KLHL14: variants seen among roughly 807,000 people sequenced by gnomAD.
The protein encoded by KLHL14 is kelch-like protein 14.
In KLHL14, 22 loss-of-function variants were observed where a neutral mutation model predicts 64.3. The observed-to-expected ratio is 0.34, with a 90% CI of 0.24 to 0.49. The LOEUF (loss-of-function observed/expected upper bound fraction) is 0.49. Among genes scored for constraint, KLHL14 ranks in the 20% least tolerant of loss-of-function variants. KLHL14 has a pLI of 0.99. For missense variants in KLHL14, 661 were observed against 789.0 expected, an observed-to-expected ratio of 0.84 and a Z score of 1.94; for synonymous variants, 322 against 333.4, an observed-to-expected ratio of 0.97 and a Z score of 0.37.
chr18:32,769,544 C>T, intron 2 of KLHL14, 101 bp downstream of exon 2: 3 of 1,052,518 alleles, frequency 2.9e-6, no homozygotes, highest in Non-Finnish European at 3.9e-6. Context: ...AGCCACCCGC[C>T]CAGGCCACCC....
At chr18:32,757,431 T>C (rs1353181458) in intron 2 of KLHL14, among the ~76,000 whole-genome samples, 1 of 152,188 alleles carries the variant, frequency 6.6e-6, no homozygotes, top group East Asian at 1.9e-4. Context: ...ATCTCAGCCA[T>C]GACTGAAAAT....
intron 3 of KLHL14, 92 bp from the exon 4 acceptor site, chr18:32,695,644 A>C: frequency 1.3e-6 from 1 of 763,670 alleles, no homozygotes; most frequent in South Asian, 1.7e-5. Flanking sequence ...ACTGAAGTGC[A>C]TAAAATGTGA....
intron 4 of KLHL14, among the ~76,000 whole-genome samples, chr18:32,694,853 G>A (rs1396779516): frequency 2.0e-5 from 3 of 152,172 alleles, no homozygotes; most frequent in African/African-American, 7.2e-5. Flanking sequence ...GCAAGCCACA[G>A]GGTTCTTGTG....
intron 4 of KLHL14, among the ~76,000 whole-genome samples, chr18:32,693,413 C>CACACAGAGAGAGAGAGAGAGAGAG (rs1229737083): frequency 1.0e-5 from 1 of 97,036 alleles, no homozygotes; most frequent in African/African-American, 4.8e-5. Context: ...CACACACACA[C>CACACAGAGAGAGAGAGAGAGAGAG]AGAGAGAGAG....
rs772519652 is a variant in KLHL14, at chr18:32,769,928, G to A, written c.664C>T (p.Arg222Cys). The A allele has an allele frequency of 4.3e-6, 7 of 1,614,154 alleles. No homozygotes were observed. The highest frequency in any genetic ancestry group is 5.1e-6 in the Non-Finnish European group (6 of 1,180,034). The change falls in exon 2 of 9, where the codon CGC (arginine) becomes TGC (cysteine). Residue 222 changes from arginine to cysteine, a missense_variant. Arg to Cys is a radical substitution (Grantham distance 180). Coordinates refer to ENST00000359358, the MANE Select transcript of KLHL14 (RefSeq NM_020805.3). ...DVLLLNFEEMRALLDSLPPPV... is the reference protein window; with the variant it reads ...DVLLLNFEEMCALLDSLPPPV... The stretch of plus-strand genomic sequence containing the variant: ...GGCGGCAGCGAGTCCAGCAGGGCGC[G>A]CATCTCCTCGAAGTTGAGCAGCAGC...
intron 5 of KLHL14, 58 bp downstream of exon 5, chr18:32,687,095 GCA>G: frequency 7.3e-7 from 1 of 1,366,948 alleles, no homozygotes; most frequent in Non-Finnish European, 1.0e-6. Context: ...AAACCACCTA[GCA>G]CCCATGCCTC....
intron 3 of KLHL14, among the ~76,000 whole-genome samples, chr18:32,724,682 C>T (rs866491590): frequency 3.0e-4 from 46 of 152,158 alleles, no homozygotes; most frequent in South Asian, 2.1e-3. Context: ...AGAAGTTCTT[C>T]GTCTATGTTA....
At chr18:32,724,867 C>A (rs1655128526) in intron 3 of KLHL14, among the ~76,000 whole-genome samples, 1 of 152,126 alleles carries the variant, frequency 6.6e-6, no homozygotes, top group African/African-American at 2.4e-5. Flanking sequence ...TTTTTTCCAT[C>A]CTCATCAAGC....
In KLHL14 at chr18:32,770,574, G is replaced by A; in HGVS notation, c.18C>T (p.Asp6=). Residue 6 remains aspartate, a synonymous_variant, in exon 2 of 9, where the codon GAC becomes GAT. Transcript: ENST00000359358. This position sits in a 1 kb window ranked among gnomAD's most constrained non-coding sequence, Gnocchi z 6.7. Reference sequence around the variant, plus strand: ...GGCTGGGGTCGAAGGTGGAGGTCCTGTCCCCGGATCTGGACATGGCGAGCT... The same window carrying A: ...GGCTGGGGTCGAAGGTGGAGGTCCTATCCCCGGATCTGGACATGGCGAGCT... MSRSG[D]RTSTFDPSHS... 1.9e-6 allele frequency: 3 copies of A among 1,585,100 alleles called. No homozygotes were observed.
chr18:32,771,984 G>C (rs2050389651), intron 1 of KLHL14: 1 of 202,876 alleles, frequency 4.9e-6, no homozygotes, highest in Admixed American at 6.2e-5. Context: ...TCTAGGCAGA[G>C]GAGGGCAGGG....
At chr18:32,763,361 A>C (rs1187459083) in intron 2 of KLHL14, among the ~76,000 whole-genome samples, 1 of 152,176 alleles carries the variant, frequency 6.6e-6, no homozygotes, top group Non-Finnish European at 1.5e-5. Flanking sequence ...AGATGGCAGG[A>C]ACTTTTAATG....
intron 3 of KLHL14, among the ~76,000 whole-genome samples, chr18:32,696,576 G>A (rs918924646): frequency 6.6e-6 from 1 of 152,162 alleles, no homozygotes; most frequent in African/African-American, 2.4e-5. Flanking sequence ...TGCATGTTCA[G>A]GCAGGGAACT....
rs1241022987 is a variant in KLHL14 at position 32,673,910 on chromosome 18, C to T, written c.*747G>A. The T allele has an allele frequency of 6.6e-6, 1 of 152,108 alleles. No individual in the cohort carries two copies. The highest frequency in any genetic ancestry group is 2.1e-4 in the South Asian group (1 of 4,832). The allele number at this position is 152,108 out of a possible 1,614,324, so 9.4% of individuals were successfully genotyped here. A position where few individuals can be genotyped will look rare whatever the true frequency, so the allele number is the denominator to read the frequency against. ...ATCACAAAATATGAAAAAGCACAAA[C>T]CTCCATGAACTGAATAGTGACATAA... On this transcript the variant is annotated 3_prime_UTR_variant, in exon 9 of 9. Transcript: ENST00000359358.
At chr18:32,762,928 G>A (rs777802083) in intron 2 of KLHL14, among the ~76,000 whole-genome samples, 3 of 151,990 alleles carry the variant, frequency 2.0e-5, no homozygotes, top group Non-Finnish European at 4.4e-5. Context: ...GTCTTATTTT[G>A]TTATTAAAAT....
At chr18:32,747,234 A>G (rs1260022351) in intron 2 of KLHL14, among the ~76,000 whole-genome samples, 3 of 152,176 alleles carry the variant, frequency 2.0e-5, no homozygotes, top group Non-Finnish European at 1.5e-5. Context: ...GGTTTCATGG[A>G]AGACAGTTTT....
chr18:32,692,140 G>A (rs186905980), intron 4 of KLHL14, among the ~76,000 whole-genome samples: 1 of 152,282 alleles, frequency 6.6e-6, no homozygotes, highest in Admixed American at 6.5e-5. Flanking sequence ...AATTATATCT[G>A]AGTAGAAAAC....
chr18:32,731,757 A>G (rs966060270), intron 3 of KLHL14, among the ~76,000 whole-genome samples: 2 of 151,850 alleles, frequency 1.3e-5, no homozygotes, highest in Non-Finnish European at 2.9e-5. Context: ...ACATATTTGC[A>G]TAACTATATT....
intron 1 of KLHL14, chr18:32,771,014 C>A: frequency 2.6e-6 from 1 of 383,540 alleles, no homozygotes; most frequent in Non-Finnish European, 5.3e-6. Context: ...CTCGTGGGCT[C>A]GTGTCCATGC....
rs761543192 is a variant in KLHL14 at position 32,742,016 on chromosome 18, A to C, written c.981T>G (p.Val327=). 5.6e-6 allele frequency: 9 copies of C among 1,613,310 alleles called. No individual in the cohort carries two copies. The Admixed American group carries it at 1.5e-4, about 27-fold the overall frequency. ...IRSNKKMLLL[V]GGLPPGPDRL... Reference sequence around the variant, plus strand: ...GGTCCGGTCCAGGAGGCAGCCCTCCAACCAATAACAGCATTTTCTTGTTAG... The same window carrying C: ...GGTCCGGTCCAGGAGGCAGCCCTCCCACCAATAACAGCATTTTCTTGTTAG... Residue 327 remains valine, a synonymous_variant, in exon 3 of 9, where the codon GTT becomes GTG. Transcript: ENST00000359358.
Sources: gnomAD v4.1 joint callset for allele counts (sites outside exome capture counted in the v4.1 genomes callset) on GRCh38, gnomAD v4.1.1 for gene constraint, Gnocchi (gnomAD v3.1) non-coding constraint, MANE v1.5 for transcripts, NCBI Gene and HGNC (gene_info 2026-07-23, HGNC 2026-07-21) for gene names.